The following VPS35L variants were observed in gnomAD, a reference collection of about 807,000 sequenced individuals.
VPS35L encodes the protein VPS35 endosomal protein sorting factor like.
A neutral mutation model predicts 133.0 loss-of-function variants in VPS35L; 83 were observed. That is an observed-to-expected ratio of 0.62 (90% CI 0.52 to 0.75). The LOEUF (loss-of-function observed/expected upper bound fraction) is 0.75. VPS35L is among the 30% of genes least tolerant of loss of function. The pLI, the probability that VPS35L is intolerant of heterozygous loss-of-function variation, is 0.00. For missense variants in VPS35L, 1,083 were observed against 1,206.8 expected (o/e 0.90, Z 1.52); for synonymous variants, 423 against 449.9 (o/e 0.94, Z 0.76).
At chr16:19,612,235 C>G (rs1374217064) in intron 12 of VPS35L, among the ~76,000 whole-genome samples, 1 of 151,288 alleles carries the variant, frequency 6.6e-6, no homozygotes, top group African/African-American at 2.4e-5. Context: ...CTGCACCCGG[C>G]CTTTTTTTGT....
At chr16:19,612,145 G>T (rs1160476390) in intron 12 of VPS35L, among the ~76,000 whole-genome samples, 1 of 152,010 alleles carries the variant, frequency 6.6e-6, no homozygotes, top group African/African-American at 2.4e-5. Context: ...CACCATGTTG[G>T]CCATGATGGT....
intron 26 of VPS35L, among the ~76,000 whole-genome samples, chr16:19,668,678 G>C (rs1054509797): frequency 1.3e-5 from 2 of 151,700 alleles, no homozygotes; most frequent in Non-Finnish European, 2.9e-5. Flanking sequence ...CACTAGAATA[G>C]ATTCAAACTG....
intron 3 of VPS35L, among the ~76,000 whole-genome samples, chr16:19,572,535 T>C (rs1316043034): frequency 6.6e-6 from 1 of 152,244 alleles, no homozygotes; most frequent in Non-Finnish European, 1.5e-5. Flanking sequence ...TCTGTTTCCC[T>C]GCATCCTTGC....
intron 28 of VPS35L, among the ~76,000 whole-genome samples, chr16:19,687,841 G>A (rs532824873): frequency 2.6e-5 from 4 of 152,102 alleles, no homozygotes; most frequent in East Asian, 3.9e-4. Context: ...GGCCGGGCGC[G>A]GTGGCTCATG....
At chr16:19,679,716 G>C (rs1189443019) in intron 27 of VPS35L, among the ~76,000 whole-genome samples, 1 of 152,038 alleles carries the variant, frequency 6.6e-6, no homozygotes, top group Non-Finnish European at 1.5e-5. Flanking sequence ...TGTTGGCCAG[G>C]CTGGTCTCAA....
chr16:19,674,184 C>CTTTTTTTTTTTTTTT (rs201038834), intron 27 of VPS35L, among the ~76,000 whole-genome samples: 43 of 70,908 alleles, frequency 6.1e-4, no homozygotes, highest in African/African-American at 1.3e-3. Flanking sequence ...TTTTCTTTTT[C>CTTTTTTTTTTTTTTT]TTTTTTTTTT....
chr16:19,564,170 C>A (rs992421329), intron 1 of VPS35L, among the ~76,000 whole-genome samples: 5 of 152,110 alleles, frequency 3.3e-5, no homozygotes, highest in African/African-American at 1.2e-4. Flanking sequence ...CCTCCGCCTC[C>A]TGGTTGAAGC....
At position 19,700,358 on chromosome 16, in the gene VPS35L, A is replaced by T; in HGVS notation, c.2794-20A>T. On this transcript the variant is annotated intron_variant, in intron 30 of 30. Coordinates refer to ENST00000417362, the MANE Select transcript of VPS35L (RefSeq NM_020314.7). ...GGATAATGAACCAGAAAGGAGATGG[A>T]TCTTTCTTTTTCCTCATAGGTGAAA... is the stretch of plus-strand genomic sequence containing the variant. The T allele has an allele frequency of 6.3e-7, 1 of 1,594,604 alleles. No homozygotes were observed. Among genetic ancestry groups the T allele is most frequent in the Non-Finnish European group, 8.6e-7 (1 of 1,162,228 alleles).
rs571295590 is a variant in VPS35L at position 19,685,678 on chromosome 16, A to G, written c.2527+3288A>G. ...TGAGGCTTCCATTTGTTCAGTTGCT[A>G]TGGTCATTCTTTTTCATGTCAGCTG... On this transcript the variant is annotated intron_variant, in intron 28 of 30. Coordinates refer to ENST00000417362, the MANE Select transcript of VPS35L (RefSeq NM_020314.7). 6.3e-4 allele frequency among the ~76,000 whole-genome samples: 96 copies of G among 152,158 alleles called. 2 individuals carry two copies. The South Asian group carries it at 0.019, about 30-fold the overall frequency.
rs186768804 is a variant in VPS35L, at chr16:19,579,427, G to A, written c.510+299G>A. Reference sequence around the variant, plus strand: ...AACCAACTGCAAGGCCAGGCGCGGTGGCTCACGCCTGTAATCCCAGCACTT... The same window carrying A: ...AACCAACTGCAAGGCCAGGCGCGGTAGCTCACGCCTGTAATCCCAGCACTT... On this transcript the variant is annotated intron_variant, in intron 6 of 30. Transcript: ENST00000417362. The A allele has an allele frequency of 4.5e-5, 11 of 244,308 alleles. No homozygotes were observed. In the East Asian group the frequency reaches 9.5e-4, roughly 21 times the overall value. 15.1% of individuals were successfully genotyped at this position (244,308 alleles called of 1,614,324 possible). A position where few individuals can be genotyped will look rare whatever the true frequency, so the allele number is the denominator to read the frequency against.
At chr16:19,565,836 AAG>A (rs1247455531) in intron 2 of VPS35L, among the ~76,000 whole-genome samples, 1 of 152,226 alleles carries the variant, frequency 6.6e-6, no homozygotes. Flanking sequence ...TTTGGAATAT[AAG>A]AGTCACTCTA....
chr16:19,647,809 A>G lies in VPS35L; in HGVS notation c.1955A>G (p.Gln652Arg). The stretch of plus-strand genomic sequence containing the variant: ...GTTTCCTTTGGCCGTGATTTTGAAC[A>G]ACAGCTGAGTTTTTATGTTGAGTCC... ...KMVSFGRDFEQQLSFYVESRS... is the reference protein window; with the variant it reads ...KMVSFGRDFERQLSFYVESRS... The change falls in exon 24 of 31, where the codon CAA becomes CGA. Residue 652 changes from glutamine to arginine, a missense_variant. By Grantham distance (43) the Gln-to-Arg change is conservative. Transcript: ENST00000417362. 1.2e-6 allele frequency: 2 copies of G among 1,614,096 alleles called. No homozygotes were observed. The highest frequency in any genetic ancestry group is 1.7e-6 in the Non-Finnish European group (2 of 1,180,012).
chr16:19,608,057 G>A, intron 9 of VPS35L, 121 bp from the exon 10 acceptor site: 1 of 700,658 alleles, frequency 1.4e-6, no homozygotes, highest in Non-Finnish European at 2.5e-6. Context: ...GTGATATTTG[G>A]AAGGAAAGAA....
intron 12 of VPS35L, among the ~76,000 whole-genome samples, chr16:19,614,329 G>C (rs948798095): frequency 6.6e-6 from 1 of 152,150 alleles, no homozygotes; most frequent in Non-Finnish European, 1.5e-5. Flanking sequence ...ACACCCTGGT[G>C]GTTCTCAAAT....
chr16:19,687,745 C>G (rs1975513355), intron 28 of VPS35L, among the ~76,000 whole-genome samples: 1 of 152,108 alleles, frequency 6.6e-6, no homozygotes, highest in Non-Finnish European at 1.5e-5. Flanking sequence ...GTGTGTCTGT[C>G]CATCCTTGTA....
intron 7 of VPS35L, among the ~76,000 whole-genome samples, chr16:19,591,364 C>T (rs1321447679): frequency 1.3e-5 from 2 of 152,136 alleles, no homozygotes; most frequent in East Asian, 3.9e-4. Context: ...GTTCAGTATA[C>T]AAGCAGGATC....
Position 19,579,047 on chromosome 16 carries a change from T to C in VPS35L, c.434-5T>C. ...ACCTGTGTGACGTAAATTCATTCTG[T>C]TTAGGCAAAGCTGGGACTGCCACAT... On this transcript the variant is annotated splice_polypyrimidine_tract_variant and splice_region_variant and intron_variant, in intron 5 of 30. Coordinates refer to ENST00000417362, the MANE Select transcript of VPS35L (RefSeq NM_020314.7). 1 of 1,613,858 alleles carries C rather than the reference T, an allele frequency of 6.2e-7. No individual in the cohort carries two copies. The highest frequency in any genetic ancestry group is 8.5e-7 in the Non-Finnish European group (1 of 1,179,950).
intron 19 of VPS35L, among the ~76,000 whole-genome samples, chr16:19,637,366 T>C (rs1349690160): frequency 6.6e-6 from 1 of 152,108 alleles, no homozygotes; most frequent in African/African-American, 2.4e-5. Context: ...TGAAGTAGGA[T>C]GTACAGAGTC....
At chr16:19,564,628 A>G (rs537309320) in intron 1 of VPS35L, among the ~76,000 whole-genome samples, 1 of 152,212 alleles carries the variant, frequency 6.6e-6, no homozygotes, top group South Asian at 2.1e-4. Context: ...CAAACTCCTG[A>G]CCTCACGTGA....
Sources: allele counts gnomAD v4.1 joint callset (sites outside exome capture counted in the v4.1 genomes callset), GRCh38; gene constraint gnomAD v4.1.1; transcripts MANE v1.5; gene names NCBI Gene and HGNC (gene_info 2026-07-23, HGNC 2026-07-21).